CDH2: variants seen among roughly 807,000 people sequenced by gnomAD.
CDH2 encodes the protein cadherin-2.
CDH2 carries 17 observed loss-of-function variants against 92.0 expected under a neutral mutation model. The observed-to-expected ratio is 0.18, with a 90% confidence interval of 0.13 to 0.28. CDH2 has a LOEUF of 0.28. Ranked by LOEUF, CDH2 falls within the 10% of genes least tolerant of loss-of-function variation. The probability of loss-of-function intolerance (pLI) is 1.00; values close to 1 mark genes in which losing one functional copy is unlikely to be tolerated. For missense variants in CDH2, 862 were observed against 1,133.1 expected (o/e 0.76, Z 3.44); for synonymous variants, 419 against 415.9 (o/e 1.01, Z -0.09).
At chr18:28,034,677 C>T (rs2013781129) in intron 2 of CDH2, among the ~76,000 whole-genome samples, 1 of 150,890 alleles carries the variant, frequency 6.6e-6, no homozygotes. Flanking sequence ...AAAACAACAA[C>T]CACAATAAAA....
intron 2 of CDH2, among the ~76,000 whole-genome samples, chr18:28,021,275 A>G (rs1226310775): frequency 2.0e-5 from 3 of 151,992 alleles, no homozygotes; most frequent in African/African-American, 7.2e-5. Context: ...TGGCTTGAAC[A>G]TCTTTTCCTG....
chr18:28,000,792 G>A (rs2144002874), intron 7 of CDH2, among the ~76,000 whole-genome samples: 1 of 152,204 alleles, frequency 6.6e-6, no homozygotes, highest in East Asian at 1.9e-4. Flanking sequence ...ATCTCACTAA[G>A]CATTTCAATG....
intron 7 of CDH2, among the ~76,000 whole-genome samples, chr18:27,995,967 T>C (rs1232287652): frequency 6.6e-6 from 1 of 152,238 alleles, no homozygotes; most frequent in East Asian, 1.9e-4. Context: ...ATTGGGCATC[T>C]GGCTGTGAAT....
chr18:28,006,069 C>A, intron 5 of CDH2, 76 bp from the exon 6 acceptor site: 1 of 1,151,804 alleles, frequency 8.7e-7, no homozygotes, highest in Non-Finnish European at 1.2e-6. Context: ...CATAAGGCTA[C>A]AAAAATAGCA....
At chr18:27,953,181 G>A (rs1909547122) in intron 15 of CDH2, among the ~76,000 whole-genome samples, 1 of 152,068 alleles carries the variant, frequency 6.6e-6, no homozygotes, top group Admixed American at 6.6e-5. Context: ...ATTGAAAAGA[G>A]GAGGACTCCT....
intron 2 of CDH2, among the ~76,000 whole-genome samples, chr18:28,022,727 T>G (rs1350478716): frequency 6.6e-6 from 1 of 152,172 alleles, no homozygotes; most frequent in Non-Finnish European, 1.5e-5. Context: ...TTCAAAATAA[T>G]GAGTTTCAAA....
chr18:27,945,651 C>T (rs1356949858), intron 6 of CDH2, among the ~76,000 whole-genome samples: 1 of 152,110 alleles, frequency 6.6e-6, no homozygotes, highest in African/African-American at 2.4e-5. Flanking sequence ...TTAATACCAT[C>T]AGGGTCCATT....
At chr18:28,149,172 T>A (rs965840555) in intron 1 of CDH2, among the ~76,000 whole-genome samples, 1 of 152,170 alleles carries the variant, frequency 6.6e-6, no homozygotes, top group Admixed American at 6.5e-5. Context: ...TGTGGATATA[T>A]CCTCCATATT....
intron 15 of CDH2, among the ~76,000 whole-genome samples, chr18:27,953,842 A>AT (rs1909582667): frequency 6.6e-6 from 1 of 152,172 alleles, no homozygotes; most frequent in African/African-American, 2.4e-5. Context: ...TGGCACATGT[A>AT]GAGCTCAATG....
intron 2 of CDH2, among the ~76,000 whole-genome samples, chr18:28,053,124 C>T (rs550702735): frequency 6.6e-6 from 1 of 152,244 alleles, no homozygotes; most frequent in African/African-American, 2.4e-5. Context: ...TGATCTCAGA[C>T]TTCCAGCCTT....
intron 1 of CDH2, among the ~76,000 whole-genome samples, chr18:28,159,650 A>AT (rs925189735): frequency 4.8e-5 from 7 of 146,530 alleles, no homozygotes; most frequent in South Asian, 2.1e-4. Context: ...AGGACCTGCA[A>AT]TTTTTTTGTT....
chr18:28,062,846 G>A (rs533527578), intron 2 of CDH2, among the ~76,000 whole-genome samples: 2 of 152,066 alleles, frequency 1.3e-5, no homozygotes, highest in Admixed American at 1.3e-4. Flanking sequence ...GGTGGCACAT[G>A]CTTGGAGTCC....
intron 2 of CDH2, among the ~76,000 whole-genome samples, chr18:28,122,170 C>A (rs549921372): frequency 2.6e-4 from 39 of 152,196 alleles, no homozygotes; most frequent in African/African-American, 9.1e-4. Context: ...CTAATTTATA[C>A]CTATGTTTTA....
In CDH2 at chr18:27,955,192, T is replaced by G. The variant is rs1433411723; in HGVS notation, c.2515-2833A>C. 3.3e-5 allele frequency among the ~76,000 whole-genome samples: 5 copies of G among 151,996 alleles called. No homozygotes were observed. In the East Asian group the frequency reaches 9.6e-4, roughly 29 times the overall value. ...CAGAGCCCTGGCCCAATCCTTATGATGTCAACACCAAACTGGAAATATGGA... is the reference window on the plus strand; with the variant it reads ...CAGAGCCCTGGCCCAATCCTTATGAGGTCAACACCAAACTGGAAATATGGA... On this transcript the variant is annotated intron_variant, in intron 15 of 15. Coordinates refer to ENST00000269141, the MANE Select transcript of CDH2 (RefSeq NM_001792.5).
At chr18:27,954,572 C>T (rs752569215) in intron 15 of CDH2, 5 of 152,230 alleles carry the variant, frequency 3.3e-5, no homozygotes, top group South Asian at 2.1e-4. Flanking sequence ...GAAACGAAGA[C>T]GACATATGGA....
intron 2 of CDH2, among the ~76,000 whole-genome samples, chr18:28,073,984 G>C (rs904518101): frequency 6.6e-6 from 1 of 152,140 alleles, no homozygotes; most frequent in Non-Finnish European, 1.5e-5. Context: ...TCATTAGCAC[G>C]TCAGAGGTGG....
chr18:28,132,498 A>T (rs2015789002), intron 2 of CDH2, among the ~76,000 whole-genome samples: 1 of 152,122 alleles, frequency 6.6e-6, no homozygotes, highest in Non-Finnish European at 1.5e-5. Flanking sequence ...TGAGGAGAGA[A>T]GGACGGAAGG....
chr18:28,071,604 T>C (rs533702118), intron 2 of CDH2, among the ~76,000 whole-genome samples: 1 of 152,322 alleles, frequency 6.6e-6, no homozygotes, highest in African/African-American at 2.4e-5. Context: ...ACCTATTTTA[T>C]TGCTAAATAA....
chr18:27,980,809 A>C (rs888251583), intron 14 of CDH2, among the ~76,000 whole-genome samples: 2 of 151,782 alleles, frequency 1.3e-5, no homozygotes, highest in South Asian at 2.1e-4. Flanking sequence ...AAAAAAAAAA[A>C]AAAACCCCAA....
Sources: allele counts gnomAD v4.1 joint callset (sites outside exome capture counted in the v4.1 genomes callset), GRCh38; gene constraint gnomAD v4.1.1; transcripts MANE v1.5; gene names NCBI Gene and HGNC (gene_info 2026-07-23, HGNC 2026-07-21).